The following MYO3B variants were observed in gnomAD, a reference collection of about 807,000 sequenced individuals.
MYO3B encodes the protein myosin IIIB.
Under a neutral mutation model 174.6 loss-of-function variants are expected in MYO3B, and 156 were observed. The ratio of observed to expected loss-of-function variants is 0.89; its 90% CI spans 0.78 to 1.02. The LOEUF is 1.02. Ranked by LOEUF, MYO3B falls within the 50% of genes least tolerant of loss-of-function variation. The pLI is 0.00. For missense variants in MYO3B, 1,632 were observed against 1,639.4 expected (o/e 1.00, Z 0.08); for synonymous variants, 563 against 569.1 (o/e 0.99, Z 0.15).
At chr2:170,525,846 T>C (rs1021140680) in intron 30 of MYO3B, among the ~76,000 whole-genome samples, 1 of 152,150 alleles carries the variant, frequency 6.6e-6, no homozygotes, top group Non-Finnish European at 1.5e-5. Context: ...TTGTCACATA[T>C]CTTGACGAAC....
intron 22 of MYO3B, among the ~76,000 whole-genome samples, chr2:170,420,854 A>C (rs2094609908): frequency 6.6e-6 from 1 of 151,856 alleles, no homozygotes; most frequent in Non-Finnish European, 1.5e-5. Context: ...TCTGCTCCCC[A>C]CCGACACCCC....
rs1575021894 is a variant in MYO3B at position 170,464,636 on chromosome 2, G to A, written c.2808+1191G>A. Among the ~76,000 whole-genome samples the A allele has an allele frequency of 2.0e-5, 3 of 152,166 alleles. 1 individual carries two copies. In the South Asian group the frequency reaches 6.2e-4, roughly 32 times the overall value. On this transcript the variant is annotated intron_variant, in intron 24 of 34. Coordinates refer to ENST00000408978, the MANE Select transcript of MYO3B (RefSeq NM_138995.5). ...GCTAGAATTGGGCTCGGTATGAATTGCAGGGGCCCCAGACCTTCGAATCCA... is the reference window on the plus strand; with the variant it reads ...GCTAGAATTGGGCTCGGTATGAATTACAGGGGCCCCAGACCTTCGAATCCA...
intron 25 of MYO3B, among the ~76,000 whole-genome samples, chr2:170,475,760 T>A (rs1685278470): frequency 6.6e-6 from 1 of 152,232 alleles, no homozygotes; most frequent in Non-Finnish European, 1.5e-5. Context: ...CTCTTCTTCG[T>A]TGTCTATGGG....
intron 30 of MYO3B, among the ~76,000 whole-genome samples, chr2:170,531,652 G>A (rs1319367088): frequency 6.6e-6 from 1 of 152,176 alleles, no homozygotes; most frequent in Non-Finnish European, 1.5e-5. Flanking sequence ...TATGCATTTT[G>A]TACTCATTTT....
At chr2:170,400,388 A>C in intron 17 of MYO3B, 74 bp downstream of exon 17, 8 of 1,418,948 alleles carry the variant, frequency 5.6e-6, no homozygotes, top group Non-Finnish European at 7.6e-6. Context: ...AATATAATGC[A>C]GCATTTGCTG....
chr2:170,443,952 T>A lies in MYO3B; in HGVS notation c.2651-15T>A. The A allele has an allele frequency of 6.2e-7, 1 of 1,601,756 alleles. No individual in the cohort carries two copies. Among genetic ancestry groups the A allele is most frequent in the African/African-American group, 1.3e-5 (1 of 74,924 alleles). On this transcript the variant is annotated splice_polypyrimidine_tract_variant and intron_variant, in intron 22 of 34. Coordinates refer to ENST00000408978, the MANE Select transcript of MYO3B (RefSeq NM_138995.5). The stretch of plus-strand genomic sequence containing the variant: ...CTTTTCCTTTAATTTATGTTCTTTG[T>A]GGTCTCTTTCTCAGGTAATTTGGCC...
chr2:170,415,085 T>C (rs568997759), intron 22 of MYO3B, among the ~76,000 whole-genome samples: 6 of 152,350 alleles, frequency 3.9e-5, no homozygotes, highest in Middle Eastern at 3.4e-3. Context: ...CTTGCCTTAT[T>C]ATACTGGCTA....
chr2:170,381,150 T>A (rs1039083764), intron 9 of MYO3B, among the ~76,000 whole-genome samples: 4 of 151,624 alleles, frequency 2.6e-5, no homozygotes, highest in African/African-American at 9.7e-5. Flanking sequence ...AATAAAATTT[T>A]AAAAACAACA....
intron 29 of MYO3B, among the ~76,000 whole-genome samples, chr2:170,516,692 T>A (rs1688335915): frequency 6.6e-6 from 1 of 151,928 alleles, no homozygotes; most frequent in African/African-American, 2.4e-5. Flanking sequence ...AACCAGATTT[T>A]GGAAGGATTT....
chr2:170,380,732 T>C (rs2094329019), intron 9 of MYO3B, among the ~76,000 whole-genome samples: 1 of 152,202 alleles, frequency 6.6e-6, no homozygotes, highest in African/African-American at 2.4e-5. Context: ...AAAACTCACA[T>C]ATATACACAA....
chr2:170,598,071 C>G (rs1694262476), intron 32 of MYO3B, among the ~76,000 whole-genome samples: 2 of 152,108 alleles, frequency 1.3e-5, no homozygotes, highest in South Asian at 4.1e-4. Flanking sequence ...GAACAGATCC[C>G]AAAACAGACT....
intron 21 of MYO3B, among the ~76,000 whole-genome samples, chr2:170,407,181 G>A (rs1233880993): frequency 6.6e-6 from 1 of 152,154 alleles, no homozygotes; most frequent in Non-Finnish European, 1.5e-5. Flanking sequence ...AACTAGACAG[G>A]CCAGGTGCGG....
intron 32 of MYO3B, among the ~76,000 whole-genome samples, chr2:170,595,668 G>T (rs1324314812): frequency 6.6e-6 from 1 of 152,078 alleles, no homozygotes; most frequent in Admixed American, 6.5e-5. Context: ...TGAACCCTGG[G>T]CTCAAGCAGT....
chr2:170,386,707 T>C (rs1186190154), intron 13 of MYO3B, among the ~76,000 whole-genome samples: 1 of 152,238 alleles, frequency 6.6e-6, no homozygotes, highest in Admixed American at 6.5e-5. Flanking sequence ...GTCTAGTAGT[T>C]ACTTACACTC....
intron 26 of MYO3B, 130 bp downstream of exon 26, chr2:170,498,833 T>C (rs1687046883): frequency 1.6e-6 from 1 of 624,292 alleles, no homozygotes; most frequent in African/African-American, 1.8e-5. Flanking sequence ...CAATGGTCTT[T>C]GCTGGTATTA....
At chr2:170,366,050 T>C (rs1039432364) in intron 8 of MYO3B, among the ~76,000 whole-genome samples, 1 of 152,072 alleles carries the variant, frequency 6.6e-6, no homozygotes, top group Non-Finnish European at 1.5e-5. Flanking sequence ...GAAAATGCTA[T>C]ATAAACTGCA....
At chr2:170,420,551 C>T (rs1558984434) in intron 22 of MYO3B, among the ~76,000 whole-genome samples, 2 of 152,106 alleles carry the variant, frequency 1.3e-5, no homozygotes, top group African/African-American at 4.8e-5. Flanking sequence ...AGATTCTTGT[C>T]TCAGGGAAAG....
Position 170,392,496 on chromosome 2 carries a change from G to A in MYO3B, c.1791+1G>A. On this transcript the variant is annotated splice_donor_variant, in intron 16 of 34. Coordinates refer to ENST00000408978, the MANE Select transcript of MYO3B (RefSeq NM_138995.5). LOFTEE classifies it high-confidence loss of function. The stretch of plus-strand genomic sequence containing the variant: ...CAGGATTATAGGGTTCACGGACAAA[G>A]TAAGTGATGATCAAGAGAGGAACTC... The A allele has an allele frequency of 6.5e-7, 1 of 1,527,578 alleles. No individual in the cohort carries two copies. The highest frequency in any genetic ancestry group is 1.4e-5 in the African/African-American group (1 of 72,764). The allele number at this position is 1,527,578 out of a possible 1,614,324, so 94.6% of individuals were successfully genotyped here. A position where few individuals can be genotyped will look rare whatever the true frequency, so the allele number is the denominator to read the frequency against.
At chr2:170,432,582 T>G (rs1282977488) in intron 22 of MYO3B, among the ~76,000 whole-genome samples, 3 of 150,898 alleles carry the variant, frequency 2.0e-5, no homozygotes, top group Non-Finnish European at 4.4e-5. Flanking sequence ...AAAAGAAATT[T>G]TTTTTTTTTT....
Sources: allele counts gnomAD v4.1 joint callset (sites outside exome capture counted in the v4.1 genomes callset), GRCh38; gene constraint gnomAD v4.1.1; transcripts MANE v1.5; gene names NCBI Gene and HGNC (gene_info 2026-07-23, HGNC 2026-07-21).